The following COPB2 variants were observed in gnomAD, a reference collection of about 807,000 sequenced individuals.
The protein encoded by COPB2 is coat protein complex I subunit beta 2.
Under a neutral mutation model 120.8 loss-of-function variants are expected in COPB2, and 16 were observed. The ratio of observed to expected loss-of-function variants is 0.13; its 90% confidence interval spans 0.09 to 0.20. COPB2 has a LOEUF of 0.20. Among genes scored for constraint, COPB2 ranks in the 10% least tolerant of loss-of-function variants. The pLI, the probability that COPB2 is intolerant of heterozygous loss-of-function variation, is 1.00. For missense variants in COPB2, 794 were observed against 1,076.5 expected (o/e 0.74, Z 3.67); for synonymous variants, 332 against 366.3 (o/e 0.91, Z 1.07).
At chr3:139,378,324 TAG>T (rs1027921116) in intron 4 of COPB2, 135 bp from the exon 5 acceptor site, 31 of 798,998 alleles carry the variant, frequency 3.9e-5, no homozygotes, top group African/African-American at 1.8e-4. Flanking sequence ...CAAAACCAAA[TAG>T]AGTTTTCAAA....
rs1053261040 is a variant in COPB2 at position 139,362,570 on chromosome 3, TG to T, written c.1885-54del. The T allele has an allele frequency of 7.3e-6, 8 of 1,102,216 alleles. No homozygotes were observed. The African/African-American group carries it at 1.1e-4, about 16-fold the overall frequency. The allele number at this position is 1,102,216 out of a possible 1,614,324, so 68.3% of individuals were successfully genotyped here. ...ATTTATGCATACAAAAATGTATGTA[TG>T]TTTTATATATATATATATACACACA... On this transcript the variant is annotated intron_variant, in intron 15 of 21. Coordinates refer to ENST00000333188, the MANE Select transcript of COPB2 (RefSeq NM_004766.3).
chr3:139,377,281 G>A (rs545574215), intron 5 of COPB2, among the ~76,000 whole-genome samples: 4 of 152,314 alleles, frequency 2.6e-5, no homozygotes, highest in African/African-American at 9.6e-5. Context: ...AAAAAGCAAT[G>A]GAAGAAATGG....
At chr3:139,359,493 C>A in intron 17 of COPB2, 131 bp from the exon 18 acceptor site, 1 of 757,140 alleles carries the variant, frequency 1.3e-6, no homozygotes, top group Non-Finnish European at 2.2e-6. Context: ...TCATTTCTGT[C>A]ACTTGTCTTT....
rs745740638 is a variant in COPB2, at chr3:139,374,603, T to G, written c.652-15A>C. 2.5e-6 allele frequency: 4 copies of G among 1,601,866 alleles called. No homozygotes were observed. The highest frequency in any genetic ancestry group is 3.4e-6 in the Non-Finnish European group (4 of 1,169,964). On this transcript the variant is annotated splice_polypyrimidine_tract_variant and intron_variant, in intron 6 of 21. Coordinates refer to ENST00000333188, the MANE Select transcript of COPB2 (RefSeq NM_004766.3). ...CATGTTTTATTCTGTAATTAAGACATAGAAAACATGTTTTATTAATGAAAA... is the reference window on the plus strand; with the variant it reads ...CATGTTTTATTCTGTAATTAAGACAGAGAAAACATGTTTTATTAATGAAAA...
At chr3:139,374,665 C>A in intron 6 of COPB2, 77 bp from the exon 7 acceptor site, 1 of 1,120,012 alleles carries the variant, frequency 8.9e-7, no homozygotes, top group Non-Finnish European at 1.3e-6. Context: ...TCTCAGTGTA[C>A]AGATACATTA....
intron 15 of COPB2, 31 bp from the exon 16 acceptor site, chr3:139,362,548 T>C: frequency 7.0e-7 from 1 of 1,422,970 alleles, no homozygotes; most frequent in Non-Finnish European, 9.6e-7. Context: ...TATATATATT[T>C]ATGCATACAA....
chr3:139,357,982 A>G, intron 21 of COPB2, 24 bp from the exon 22 acceptor site: 1 of 1,417,896 alleles, frequency 7.1e-7, no homozygotes, highest in South Asian at 1.2e-5. Flanking sequence ...GAAGAGGGTA[A>G]TTAAGTTTTA....
At chr3:139,362,060 A>T (rs928062481) in intron 16 of COPB2, among the ~76,000 whole-genome samples, 2 of 152,206 alleles carry the variant, frequency 1.3e-5, no homozygotes, top group Non-Finnish European at 2.9e-5. Context: ...TTAGTTTCAG[A>T]CATTGGCAAA....
At chr3:139,377,893 T>C in intron 5 of COPB2, 148 bp downstream of exon 5, 1 of 662,544 alleles carries the variant, frequency 1.5e-6, no homozygotes, top group Non-Finnish European at 2.2e-6. Context: ...TCGTTTGGAT[T>C]AAAATGAGAA....
At chr3:139,388,852 T>C (rs1941989734) in intron 1 of COPB2, among the ~76,000 whole-genome samples, 1 of 151,994 alleles carries the variant, frequency 6.6e-6, no homozygotes, top group South Asian at 2.1e-4. Context: ...TACTATCGTT[T>C]TCTTTCCTTA....
At chr3:139,384,126 C>T (rs940971767) in intron 1 of COPB2, among the ~76,000 whole-genome samples, 2 of 152,180 alleles carry the variant, frequency 1.3e-5, no homozygotes, top group African/African-American at 4.8e-5. Context: ...TTAAAGGCTA[C>T]TTGCAAGGTA....
chr3:139,371,834 C>G lies in COPB2; in HGVS notation c.1095-1G>C. 1 of 1,613,266 alleles carries G rather than the reference C, an allele frequency of 6.2e-7. No homozygotes were observed. Among genetic ancestry groups the G allele is most frequent in the Non-Finnish European group, 8.5e-7 (1 of 1,179,362 alleles). ...CCCATCACCACACACCACCACAAAC[C>G]TAGAAATCACAGAAGCCAGGGAGGG... On this transcript the variant is annotated splice_acceptor_variant, in intron 9 of 21. Transcript: ENST00000333188. LOFTEE classifies it high-confidence loss of function.
At chr3:139,379,673 A>G (rs778862001) in intron 2 of COPB2, 5 of 510,270 alleles carry the variant, frequency 9.8e-6, no homozygotes, top group Non-Finnish European at 1.7e-5. Context: ...TTTAAAAGAT[A>G]AGAGAAGGCA....
At chr3:139,358,476 A>T in intron 20 of COPB2, 1 of 609,412 alleles carries the variant, frequency 1.6e-6, no homozygotes, top group South Asian at 2.0e-5. Flanking sequence ...CAGGAGATCG[A>T]GACCATCCTG....
intron 9 of COPB2, 45 bp from the exon 10 acceptor site, chr3:139,371,878 A>G: frequency 6.9e-7 from 1 of 1,459,344 alleles, no homozygotes; most frequent in Admixed American, 1.7e-5. Flanking sequence ...AGGACCAAAG[A>G]CATGTAGAAG....
chr3:139,358,038 G>T, intron 21 of COPB2, 80 bp from the exon 22 acceptor site: 1 of 1,035,642 alleles, frequency 9.7e-7, no homozygotes, highest in Non-Finnish European at 1.4e-6. Flanking sequence ...GATTCAAAGT[G>T]AGAACTAAGA....
At position 139,386,503 on chromosome 3, in the gene COPB2, C is replaced by T. The variant is rs181546763; in HGVS notation, c.3+3045G>A. Among the ~76,000 whole-genome samples the T allele has an allele frequency of 5.9e-5, 9 of 152,176 alleles. No homozygotes were observed. In the East Asian group the frequency reaches 7.7e-4, roughly 13 times the overall value. ...CTCTCCTGACCTTGTGATCCACCCA[C>T]CTCGGTCTCCCAGCTCCAATTTTCC... On this transcript the variant is annotated intron_variant, in intron 1 of 21. Transcript: ENST00000333188.
intron 9 of COPB2, among the ~76,000 whole-genome samples, chr3:139,372,988 T>C (rs1941647054): frequency 2.0e-5 from 3 of 152,168 alleles, no homozygotes; most frequent in African/African-American, 7.2e-5. Flanking sequence ...CTATTCAAAA[T>C]TGTGTGGTAT....
chr3:139,365,005 T>G (rs1316948076), intron 15 of COPB2, among the ~76,000 whole-genome samples: 2 of 152,182 alleles, frequency 1.3e-5, no homozygotes, highest in African/African-American at 4.8e-5. Context: ...ACGAGAAACT[T>G]TTATCTATAA....
Sources: gnomAD v4.1 joint callset for allele counts (sites outside exome capture counted in the v4.1 genomes callset) on GRCh38, gnomAD v4.1.1 for gene constraint, MANE v1.5 for transcripts, NCBI Gene and HGNC (gene_info 2026-07-23, HGNC 2026-07-21) for gene names.